ESYT1: variants seen among roughly 807,000 people sequenced by gnomAD.
ESYT1 encodes extended synaptotagmin 1, also known as extended synaptotagmin-1.
ESYT1 carries 116 observed loss-of-function variants against 154.2 expected under a neutral mutation model. That is an observed-to-expected ratio of 0.75 (90% CI 0.65 to 0.88). The LOEUF (loss-of-function observed/expected upper bound fraction) is 0.88. Ranked by LOEUF, ESYT1 falls within the 40% of genes least tolerant of loss-of-function variation. The pLI is 0.00. For missense variants in ESYT1, 1,264 were observed against 1,379.3 expected, an observed-to-expected ratio of 0.92 and a Z score of 1.32; for synonymous variants, 500 against 539.9, an observed-to-expected ratio of 0.93 and a Z score of 1.02.
rs1382076709 is a variant in ESYT1, at chr12:56,142,955, C to A, written c.2987+22C>A. On this transcript the variant is annotated intron_variant, in intron 27 of 30. Transcript: ENST00000394048. This position sits in a 1 kb window ranked among gnomAD's most constrained non-coding sequence, Gnocchi z 4.1. ...GCCGGTGAGACCCCATCCCTCCTGT[C>A]CTCCAGATCGCCTCCATCCCTTCCC... 1 of 1,614,128 alleles carries A rather than the reference C, an allele frequency of 6.2e-7. No individual in the cohort carries two copies. Among genetic ancestry groups the A allele is most frequent in the Non-Finnish European group, 8.5e-7 (1 of 1,180,032 alleles).
At position 56,131,445 on chromosome 12, in the gene ESYT1, G is replaced by A. The variant is rs776755380; in HGVS notation, c.715-32G>A. The A allele has an allele frequency of 1.9e-6, 3 of 1,613,318 alleles. No individual in the cohort carries two copies. The East Asian group carries it at 6.7e-5, about 36-fold the overall frequency. ...GAGGACAGAAGAGGGACTTTTCTGG[G>A]GAAAGGCTTTGATTTTCTCTTCTTG... On this transcript the variant is annotated intron_variant, in intron 5 of 30. Coordinates refer to ENST00000394048, the MANE Select transcript of ESYT1 (RefSeq NM_015292.3).
At chr12:56,130,964 G>A (rs982174571) in intron 3 of ESYT1, 39 bp downstream of exon 3, 4 of 1,614,158 alleles carry the variant, frequency 2.5e-6, no homozygotes, top group Non-Finnish European at 3.4e-6. Flanking sequence ...GTAGGCTAGG[G>A]AGGGTGAGTG....
intron 1 of ESYT1, chr12:56,129,407 T>C (rs1870137861): frequency 6.5e-6 from 1 of 153,964 alleles, no homozygotes; most frequent in Non-Finnish European, 1.4e-5. Context: ...GCTTGTTCCG[T>C]TGGGGCAGAG....
Position 56,128,485 on chromosome 12 carries a change from A to C in ESYT1, c.166A>C (p.Thr56Pro). Residue 56 changes from threonine to proline, a missense_variant, in exon 1 of 31, where the codon ACT (threonine) becomes CCT (proline). Physicochemically the swap from Thr to Pro is conservative, Grantham distance 38. Coordinates refer to ENST00000394048, the MANE Select transcript of ESYT1 (RefSeq NM_015292.3). ...GAAGEALAVLTSFGRRLLVLI... is the reference protein window; with the variant it reads ...GAAGEALAVLPSFGRRLLVLI... ...GGCGGGTGAGGCCCTGGCGGTGCTG[A>C]CTTCATTCGGGAGGCGGTTGCTGGT... is the stretch of plus-strand genomic sequence containing the variant. 6.2e-7 allele frequency: 1 copy of C among 1,611,186 alleles called. No individual in the cohort carries two copies. The highest frequency in any genetic ancestry group is 8.5e-7 in the Non-Finnish European group (1 of 1,178,712).
chr12:56,130,750 G>A (rs758487180), intron 2 of ESYT1, 41 bp from the exon 3 acceptor site: 4 of 1,613,214 alleles, frequency 2.5e-6, no homozygotes, highest in Admixed American at 1.7e-5. Context: ...CCTTGAGAGG[G>A]AAGACTGGAC....
intron 24 of ESYT1, among the ~76,000 whole-genome samples, chr12:56,139,721 G>A (rs1016491568): frequency 7.3e-5 from 11 of 150,340 alleles, no homozygotes; most frequent in African/African-American, 1.7e-4. Flanking sequence ...TCAGCCTCCC[G>A]CGTACCTGGG....
chr12:56,134,935 T>C (rs1003960493), intron 15 of ESYT1, among the ~76,000 whole-genome samples: 2 of 152,072 alleles, frequency 1.3e-5, no homozygotes, highest in African/African-American at 4.8e-5. Flanking sequence ...TGATTTTATA[T>C]ATGTGTGTCT....
In ESYT1 at chr12:56,137,492, T is replaced by G; in HGVS notation, c.1939-7T>G. On this transcript the variant is annotated splice_region_variant and splice_polypyrimidine_tract_variant and intron_variant, in intron 17 of 30. Coordinates refer to ENST00000394048, the MANE Select transcript of ESYT1 (RefSeq NM_015292.3). ...TGCCATCTGGCACCCCCCCGTCCCT[T>G]TTGCAGCATGTGCTTCGGATCCATG... 1 of 1,611,060 alleles carries G rather than the reference T, an allele frequency of 6.2e-7. No individual in the cohort carries two copies. Among genetic ancestry groups the G allele is most frequent in the Admixed American group, 1.7e-5 (1 of 59,876 alleles).
chr12:56,138,044 CACAGTCTTAA>C lies in ESYT1; in HGVS notation c.2223_2232del (p.Leu742AlafsTer7). ...TCAACAGGTGTAAAGTGCGTCTCAC[CACAGTCTTAA>C]ACAGTGGCTTCCTTGATGAGGTGAG... is the stretch of plus-strand genomic sequence containing the variant. On this transcript the variant is annotated frameshift_variant, in exon 20 of 31. Transcript: ENST00000394048. LOFTEE classifies it high-confidence loss of function. The C allele has an allele frequency of 1.2e-6, 2 of 1,614,180 alleles. No homozygotes were observed. The highest frequency in any genetic ancestry group is 1.7e-6 in the Non-Finnish European group (2 of 1,180,026).
chr12:56,130,493 C>T lies in ESYT1; in HGVS notation c.391-89C>T, dbSNP rs564164726. 177 of 1,526,112 alleles carry T rather than the reference C, an allele frequency of 1.2e-4. No homozygotes were observed. The East Asian group carries it at 2.6e-3, about 22-fold the overall frequency. 94.5% of individuals were successfully genotyped at this position (1,526,112 alleles called of 1,614,324 possible). A position where few individuals can be genotyped will look rare whatever the true frequency, so the allele number is the denominator to read the frequency against. On this transcript the variant is annotated intron_variant, in intron 1 of 30. Transcript: ENST00000394048. Reference sequence around the variant, plus strand: ...GTGTGAGGAGTCACACACACTCCCTCTCCTCTGTGGCACACCACCAGCATC... The same window carrying T: ...GTGTGAGGAGTCACACACACTCCCTTTCCTCTGTGGCACACCACCAGCATC...
At position 56,128,318 on chromosome 12, in the gene ESYT1, C is replaced by A. The variant is rs746749074; in HGVS notation, c.-2C>A. On this transcript the variant is annotated 5_prime_UTR_variant, in exon 1 of 31. Transcript: ENST00000394048. ...CGGGCGGATCCTCCCAGAGGTGGCA[C>A]AATGGAGCGATCTCCAGGAGAGGGC... The A allele has an allele frequency of 3.7e-6, 6 of 1,608,436 alleles. No homozygotes were observed. The highest frequency in any genetic ancestry group is 5.1e-6 in the Non-Finnish European group (6 of 1,178,406).
In ESYT1 at chr12:56,131,573, G is replaced by A; in HGVS notation, c.804+7G>A. Reference sequence around the variant, plus strand: ...GTTCTTCATCCGACGCCCGGTAAGGGAAAACAATGAAGGGGTATGGGGAAG... The same window carrying A: ...GTTCTTCATCCGACGCCCGGTAAGGAAAAACAATGAAGGGGTATGGGGAAG... On this transcript the variant is annotated splice_region_variant and intron_variant, in intron 6 of 30. Transcript: ENST00000394048. 6.2e-7 allele frequency: 1 copy of A among 1,613,956 alleles called. No individual in the cohort carries two copies. Among genetic ancestry groups the A allele is most frequent in the Non-Finnish European group, 8.5e-7 (1 of 1,179,970 alleles).
In ESYT1 at chr12:56,142,143, TG is replaced by T. The variant is rs200332149; in HGVS notation, c.2593-141del. ...AAGGACAGAGGGAGGGACTAGCAAC[TG>T]TTACCATGGCTTCCCTGCCTTTCTC... is the stretch of plus-strand genomic sequence containing the variant. On this transcript the variant is annotated intron_variant, in intron 24 of 30. Coordinates refer to ENST00000394048, the MANE Select transcript of ESYT1 (RefSeq NM_015292.3). The surrounding 1 kb of genome is among the most constrained non-coding windows in gnomAD (Gnocchi z 4.1). 4.9e-4 allele frequency: 445 copies of T among 912,208 alleles called. 3 individuals are homozygous for T. In the East Asian group the frequency reaches 0.011, roughly 22 times the overall value. The allele number at this position is 912,208 out of a possible 1,614,324, so 56.5% of individuals were successfully genotyped here.
Position 56,137,904 on chromosome 12 carries a change from T to C in ESYT1, c.2188T>C (p.Phe730Leu), listed in dbSNP as rs1397511355. The change falls in exon 19 of 31, where the codon TTT (phenylalanine) becomes CTT (leucine). Residue 730 changes from phenylalanine (F) to leucine (L), a missense_variant. Coordinates refer to ENST00000394048, the MANE Select transcript of ESYT1 (RefSeq NM_015292.3). ...VFDKDLDKDD[F>L]LGRCKVRLTT... ...TGACAAGGACTTGGACAAGGATGAT[T>C]TTCTGGGCAGGTGAGAGCATAGGAG... is the stretch of plus-strand genomic sequence containing the variant. The C allele has an allele frequency of 1.2e-6, 2 of 1,614,078 alleles. No homozygotes were observed. The highest frequency in any genetic ancestry group is 1.7e-5 in the Admixed American group (1 of 59,994).
chr12:56,141,252 A>C (rs1413639866), intron 24 of ESYT1, among the ~76,000 whole-genome samples: 1 of 152,228 alleles, frequency 6.6e-6, no homozygotes, highest in Non-Finnish European at 1.5e-5. Context: ...AAATGAGCTC[A>C]GTTCTTCATC....
chr12:56,137,939 A>G, intron 19 of ESYT1, 25 bp downstream of exon 19: 1 of 1,614,026 alleles, frequency 6.2e-7, no homozygotes, highest in Non-Finnish European at 8.5e-7. Flanking sequence ...GTCTACGTGA[A>G]AAACAGGCTG....
chr12:56,135,804 G>T (rs1221741895), intron 15 of ESYT1, among the ~76,000 whole-genome samples: 1 of 151,274 alleles, frequency 6.6e-6, no homozygotes, highest in African/African-American at 2.4e-5. Flanking sequence ...AGGTAGAATT[G>T]CTTGAGTCCG....
At chr12:56,140,290 C>T (rs963371465) in intron 24 of ESYT1, among the ~76,000 whole-genome samples, 6 of 152,126 alleles carry the variant, frequency 3.9e-5, no homozygotes, top group Non-Finnish European at 8.8e-5. Context: ...GCAGGCAGAG[C>T]AAGATCATAG....
intron 15 of ESYT1, among the ~76,000 whole-genome samples, chr12:56,134,981 A>T (rs1362137747): frequency 6.6e-6 from 1 of 152,132 alleles, no homozygotes; most frequent in Non-Finnish European, 1.5e-5. Flanking sequence ...TTGTGAAAGC[A>T]GATGCTATGT....
Sources: allele counts gnomAD v4.1 joint callset (sites outside exome capture counted in the v4.1 genomes callset), GRCh38; gene constraint gnomAD v4.1.1; non-coding constraint Gnocchi (gnomAD v3.1); transcripts MANE v1.5; gene names NCBI Gene and HGNC (gene_info 2026-07-23, HGNC 2026-07-21).